FGD4: variants seen among roughly 807,000 people sequenced by gnomAD.
The protein encoded by FGD4 is FYVE, RhoGEF and PH domain containing 4.
In FGD4, 42 loss-of-function variants were observed where a neutral mutation model predicts 102.0. The ratio of observed to expected loss-of-function variants is 0.41; its 90% confidence interval spans 0.32 to 0.53. The LOEUF (loss-of-function observed/expected upper bound fraction) is 0.53. Among genes scored for constraint, FGD4 ranks in the 20% least tolerant of loss-of-function variants. The pLI, the probability that FGD4 is intolerant of heterozygous loss-of-function variation, is 0.21. For synonymous variants in FGD4, 380 were observed against 375.7 expected, an observed-to-expected ratio of 1.01 and a Z score of -0.13; for missense variants, 902 against 1,078.2, an observed-to-expected ratio of 0.84 and a Z score of 2.29.
chr12:32,486,138 G>A lies in FGD4; in HGVS notation c.167-77999G>A, dbSNP rs764608023. 20 of 1,528,024 alleles carry A rather than the reference G, an allele frequency of 1.3e-5. No homozygotes were observed. The South Asian group carries it at 2.4e-4, about 19-fold the overall frequency. The allele number at this position is 1,528,024 out of a possible 1,614,324, so 94.7% of individuals were successfully genotyped here. ...ATGTTATGAAAAGAATCTTTTATGG[G>A]GGGCTGTGAGTATTGTTTTGCAATT... On this transcript the variant is annotated intron_variant, in intron 1 of 16. Coordinates refer to ENST00000534526, the MANE Select transcript of FGD4 (RefSeq NM_001370298.3).
intron 1 of FGD4, among the ~76,000 whole-genome samples, chr12:32,512,361 C>T (rs1431890006): frequency 1.3e-5 from 2 of 151,764 alleles, no homozygotes; most frequent in Non-Finnish European, 2.9e-5. Context: ...GCAGGAGAAT[C>T]GCTTGAACCT....
At position 32,564,290 on chromosome 12, in the gene FGD4, G is replaced by A. The variant is rs1057518446; in HGVS notation, c.319+1G>A. 3 of 1,535,716 alleles carry A rather than the reference G, an allele frequency of 2.0e-6. No homozygotes were observed. The highest frequency in any genetic ancestry group is 2.6e-6 in the Non-Finnish European group (3 of 1,146,788). ...TCAGCTGCAAGTCCAAAGCCACAAG[G>A]TATGCTCACTGGGAGTTTGTGTTCG... is the stretch of plus-strand genomic sequence containing the variant. On this transcript the variant is annotated splice_donor_variant, in intron 2 of 16. Coordinates refer to ENST00000534526, the MANE Select transcript of FGD4 (RefSeq NM_001370298.3). LOFTEE classifies it high-confidence loss of function.
chr12:32,586,536 CAATT>C (rs1565874933), intron 4 of FGD4, among the ~76,000 whole-genome samples: 1 of 152,238 alleles, frequency 6.6e-6, no homozygotes, highest in East Asian at 1.9e-4. Context: ...GCCTCAGAAA[CAATT>C]AAAGCATGGA....
chr12:32,517,582 T>C (rs1940028122), intron 1 of FGD4, among the ~76,000 whole-genome samples: 1 of 152,180 alleles, frequency 6.6e-6, no homozygotes, highest in South Asian at 2.1e-4. Flanking sequence ...GTATCTAGAC[T>C]GATGTGTAGG....
At chr12:32,599,156 T>C (rs1948142763) in intron 5 of FGD4, among the ~76,000 whole-genome samples, 1 of 152,198 alleles carries the variant, frequency 6.6e-6, no homozygotes, top group Non-Finnish European at 1.5e-5. Context: ...AAACCTTGAG[T>C]ATCATTTCAA....
rs1951193215 is a variant in FGD4 at position 32,642,346 on chromosome 12, C to CT, written c.*1814dup. 1 of 151,690 alleles carries CT rather than the reference C, an allele frequency of 6.6e-6. No homozygotes were observed. The highest frequency in any genetic ancestry group is 2.4e-5 in the African/African-American group (1 of 41,320). 9.4% of individuals were successfully genotyped at this position (151,690 alleles called of 1,614,324 possible). A position where few individuals can be genotyped will look rare whatever the true frequency, so the allele number is the denominator to read the frequency against. ...CAGAGTGGTTTTTTGGAAAATTAAA[C>CT]TGTAGCTATAGATGATGCTTTGGTT... On this transcript the variant is annotated 3_prime_UTR_variant, in exon 17 of 17. Coordinates refer to ENST00000534526, the MANE Select transcript of FGD4 (RefSeq NM_001370298.3).
intron 1 of FGD4, among the ~76,000 whole-genome samples, chr12:32,427,951 C>T (rs528385206): frequency 6.4e-4 from 98 of 152,130 alleles, no homozygotes; most frequent in African/African-American, 2.1e-3. Context: ...TGAGCCTATG[C>T]GTGTCTTTGC....
intron 1 of FGD4, among the ~76,000 whole-genome samples, chr12:32,517,789 G>A (rs2136710323): frequency 6.6e-6 from 1 of 152,264 alleles, no homozygotes; most frequent in Non-Finnish European, 1.5e-5. Context: ...GGGAGGCTAA[G>A]GTGGGAGGAT....
rs547507600 is a variant in FGD4, at chr12:32,455,057, A to G, written c.166+55098A>G. Reference sequence around the variant, plus strand: ...TGCATTGAGACTTGCAACTTGCCAGATCTTTTATTATACAAACACAATGAA... The same window carrying G: ...TGCATTGAGACTTGCAACTTGCCAGGTCTTTTATTATACAAACACAATGAA... On this transcript the variant is annotated intron_variant, in intron 1 of 16. Transcript: ENST00000534526. Among the ~76,000 whole-genome samples, 12 of 152,314 alleles carry G rather than the reference A, an allele frequency of 7.9e-5. No homozygotes were observed. The South Asian group carries it at 2.3e-3, about 29-fold the overall frequency.
At chr12:32,525,986 C>T (rs1169267797) in intron 1 of FGD4, among the ~76,000 whole-genome samples, 1 of 152,258 alleles carries the variant, frequency 6.6e-6, no homozygotes, top group Non-Finnish European at 1.5e-5. Flanking sequence ...GCGGCCCGAG[C>T]CTCCGACGAG....
Position 32,611,145 on chromosome 12 carries a change from A to C in FGD4, c.1611A>C (p.Leu537=). 1.2e-6 allele frequency: 2 copies of C among 1,614,154 alleles called. No homozygotes were observed. Among genetic ancestry groups the C allele is most frequent in the Non-Finnish European group, 1.7e-6 (2 of 1,180,030 alleles). Residue 537 remains leucine (L), a synonymous_variant, in exon 10 of 17, where the codon CTA becomes CTC. Coordinates refer to ENST00000534526, the MANE Select transcript of FGD4 (RefSeq NM_001370298.3). Reference sequence around the variant, plus strand: ...CTGTTTTAATTTCCTAGGAGAACCTAAAGAAACTCTTAGAGATTTATGAAA... The same window carrying C: ...CTGTTTTAATTTCCTAGGAGAACCTCAAGAAACTCTTAGAGATTTATGAAA... ...SNSAIRKMEN[L]KKLLEIYEML...
chr12:32,484,472 G>A lies in FGD4; in HGVS notation c.167-79665G>A, dbSNP rs535770378. Among the ~76,000 whole-genome samples the A allele has an allele frequency of 9.7e-4, 147 of 152,274 alleles. 1 individual carries two copies. Among genetic ancestry groups the A allele is most frequent in the African/African-American group, 3.5e-3 (145 of 41,542 alleles). On this transcript the variant is annotated intron_variant, in intron 1 of 16. Coordinates refer to ENST00000534526, the MANE Select transcript of FGD4 (RefSeq NM_001370298.3). ...TGGTTTGATTCTGACTACAACATCT[G>A]ACTATCACATGAAAAGGGACATTTG...
chr12:32,599,216 T>C (rs7316616), intron 5 of FGD4, among the ~76,000 whole-genome samples: 70,030 of 151,270 alleles, frequency 0.46, 17,666 homozygotes, highest in African/African-American at 0.67. Flanking sequence ...ACTTTTGGGC[T>C]GGGCGCGGTG....
At chr12:32,462,657 T>C (rs1943139641) in intron 1 of FGD4, among the ~76,000 whole-genome samples, 1 of 152,184 alleles carries the variant, frequency 6.6e-6, no homozygotes, top group Admixed American at 6.5e-5. Flanking sequence ...CATTTTCTTT[T>C]TAGGTTTATT....
At chr12:32,444,474 G>T (rs910691276) in intron 1 of FGD4, among the ~76,000 whole-genome samples, 1 of 151,676 alleles carries the variant, frequency 6.6e-6, no homozygotes, top group Non-Finnish European at 1.5e-5. Flanking sequence ...GTGCAATCTC[G>T]GCTCACCACA....
At chr12:32,405,493 A>T (rs1451294136) in intron 1 of FGD4, among the ~76,000 whole-genome samples, 32 of 142,966 alleles carry the variant, frequency 2.2e-4, no homozygotes, top group Admixed American at 2.2e-3. Flanking sequence ...TCCCGACCTC[A>T]GGTGATCCAC....
intron 11 of FGD4, 147 bp downstream of exon 11, chr12:32,620,017 T>A: frequency 1.0e-6 from 1 of 967,756 alleles, no homozygotes; most frequent in Non-Finnish European, 1.6e-6. Context: ...CTGTAGGTTC[T>A]TGAAAAGCAG....
At chr12:32,444,263 A>T (rs147330317) in intron 1 of FGD4, among the ~76,000 whole-genome samples, 1 of 152,108 alleles carries the variant, frequency 6.6e-6, no homozygotes, top group East Asian at 1.9e-4. Flanking sequence ...GGTTCAAGTG[A>T]TCTCCCACCT....
chr12:32,536,457 T>C (rs1313588013), intron 1 of FGD4, among the ~76,000 whole-genome samples: 1 of 152,238 alleles, frequency 6.6e-6, no homozygotes, highest in East Asian at 1.9e-4. Context: ...GCCCACTTCC[T>C]GAGCCACCTT....
Sources: gnomAD v4.1 joint callset for allele counts (sites outside exome capture counted in the v4.1 genomes callset) on GRCh38, gnomAD v4.1.1 for gene constraint, MANE v1.5 for transcripts, NCBI Gene and HGNC (gene_info 2026-07-23, HGNC 2026-07-21) for gene names.